The following SSR4 variants were observed in gnomAD, a reference collection of about 807,000 sequenced individuals.
SSR4 encodes translocon-associated protein subunit delta.
For missense variants in SSR4, 125 were observed against 148.8 expected (o/e 0.84, Z 0.83); for synonymous variants, 84 against 65.6 (o/e 1.28, Z -1.35).
intron 1 of SSR4, chrX:153,795,672 T>G: frequency 1.3e-6 from 1 of 754,761 alleles, no homozygotes; most frequent in Non-Finnish European, 1.6e-6. Flanking sequence ...GGGATCTGCC[T>G]CCTGTGGTCC....
chrX:153,794,355 C>A (rs1007821461), upstream of SSR4: 8 of 1,181,294 alleles, frequency 6.8e-6, no homozygotes, highest in African/African-American at 1.2e-4. Context: ...CCGCACGTCC[C>A]GACACGCAGA....
chrX:153,796,065 C>T lies in SSR4; in HGVS notation c.68-369C>T, dbSNP rs781792586. On this transcript the variant is annotated intron_variant, in intron 1 of 5. Transcript: ENST00000370086. ...TCTGCTGAGGATGCCTTCAGTAACT[C>T]GTCCAGGCCGTTTGTGGCTCTGAAT... is the stretch of plus-strand genomic sequence containing the variant. 5 of 184,718 alleles carry T rather than the reference C, an allele frequency of 2.7e-5. No individual in the cohort carries two copies. In the South Asian group the frequency reaches 5.7e-4, roughly 21 times the overall value. 15.2% of individuals were successfully genotyped at this position (184,718 alleles called of 1,213,427 possible). A position where few individuals can be genotyped will look rare whatever the true frequency, so the allele number is the denominator to read the frequency against.
At chrX:153,795,954 C>A in intron 1 of SSR4, 1 of 539,615 alleles carries the variant, frequency 1.9e-6, no homozygotes, top group Non-Finnish European at 2.3e-6. Flanking sequence ...TCTTCACCTT[C>A]TGTCAACTGG....
chrX:153,797,916 G>A lies in SSR4; in HGVS notation c.351+102G>A, dbSNP rs1462687011. 5 of 870,016 alleles carry A rather than the reference G, an allele frequency of 5.7e-6. No homozygotes were observed. The Admixed American group carries it at 7.5e-5, about 13-fold the overall frequency. 71.7% of individuals were successfully genotyped at this position (870,016 alleles called of 1,213,427 possible). A position where few individuals can be genotyped will look rare whatever the true frequency, so the allele number is the denominator to read the frequency against. On this transcript the variant is annotated intron_variant, in intron 4 of 5. Coordinates refer to ENST00000370086, the MANE Select transcript of SSR4 (RefSeq NM_006280.3). The stretch of plus-strand genomic sequence containing the variant: ...AAGTCCTGAGCTGGGTGGCCTTTCT[G>A]TGATCCTGTCCCTTCCTCAGTGTCT...
chrX:153,797,981 C>T (rs2092152292), intron 4 of SSR4, 90 bp from the exon 5 acceptor site: 13 of 971,698 alleles, frequency 1.3e-5, no homozygotes, highest in African/African-American at 9.6e-5. Context: ...GGGCTTGGGC[C>T]GGTGTTCCTA....
chrX:153,794,478 A>G (rs2092125886), upstream of SSR4: 4 of 1,148,485 alleles, frequency 3.5e-6, no homozygotes, highest in Non-Finnish European at 4.6e-6. Flanking sequence ...CGCCTAGAGC[A>G]CCGCTGCCGC....
intron 2 of SSR4, 35 bp from the exon 3 acceptor site, chrX:153,797,423 G>A (rs781890804): frequency 5.1e-6 from 6 of 1,172,575 alleles, no homozygotes; most frequent in Admixed American, 4.3e-5. Flanking sequence ...CCCAGAGGGG[G>A]CAGAAGGTGA....
upstream of SSR4, chrX:153,794,309 C>A: frequency 8.3e-7 from 1 of 1,198,125 alleles, no homozygotes; most frequent in South Asian, 1.8e-5. Context: ...CGGCGACGGT[C>A]GCTACCTTCA....
chrX:153,795,527 C>T (rs943468303), intron 1 of SSR4: 3 of 228,596 alleles, frequency 1.3e-5, no homozygotes, highest in Non-Finnish European at 1.9e-5. Flanking sequence ...TAGTCAGGGA[C>T]GTATCCAGAG....
At chrX:153,795,597 C>G in intron 1 of SSR4, 1 of 726,118 alleles carries the variant, frequency 1.4e-6, no homozygotes, top group Non-Finnish European at 1.6e-6. Context: ...GCAGGCCCAA[C>G]TTAGGCAGGA....
chrX:153,798,172 T>C (rs1557073248), intron 5 of SSR4, 36 bp downstream of exon 5: 1 of 1,192,584 alleles, frequency 8.4e-7, no homozygotes, highest in East Asian at 3.0e-5. Context: ...TTTGGGGTTG[T>C]TGGGCTGAGT....
At chrX:153,796,874 G>GT in intron 2 of SSR4, 1 of 255,542 alleles carries the variant, frequency 3.9e-6, no homozygotes, top group Non-Finnish European at 7.0e-6. Context: ...TTTTGTTTTT[G>GT]TTTTTGTTTT....
intron 2 of SSR4, 123 bp downstream of exon 2, chrX:153,796,675 A>G: frequency 1.8e-6 from 1 of 555,035 alleles, no homozygotes; most frequent in Non-Finnish European, 3.1e-6. Flanking sequence ...CGGAGAGATC[A>G]GGGCACGGTG....
intron 1 of SSR4, chrX:153,796,110 G>A (rs1417657716): frequency 8.6e-5 from 19 of 221,898 alleles, no homozygotes; most frequent in African/African-American, 8.6e-5. Flanking sequence ...CGTGGCCCCC[G>A]GGCCTCCGTG....
intron 1 of SSR4, 49 bp from the exon 2 acceptor site, chrX:153,796,385 G>C (rs782001325): frequency 1.0e-6 from 1 of 960,706 alleles, no homozygotes; most frequent in Admixed American, 2.2e-5. Flanking sequence ...CCCTCAGACC[G>C]GGATACTCGA....
chrX:153,797,686 T>A (rs1557072961), intron 3 of SSR4, 39 bp from the exon 4 acceptor site: 1 of 1,168,700 alleles, frequency 8.6e-7, no homozygotes, highest in Admixed American at 2.2e-5. Flanking sequence ...GGCCCCTCCG[T>A]GTCCACTCTG....
In SSR4 at chrX:153,797,787, C is replaced by T. The variant is rs1557073025; in HGVS notation, c.324C>T (p.Asp108=). The change falls in exon 4 of 6, where the codon GAC becomes GAT. Residue 108 remains aspartate, a synonymous_variant. Coordinates refer to ENST00000370086, the MANE Select transcript of SSR4 (RefSeq NM_006280.3). Reference sequence around the variant, plus strand: ...GCACCTATGAGGTTAGATTCTTCGACGAGGAGTCCTACAGCCTCCTCAGGA... The same window carrying T: ...GCACCTATGAGGTTAGATTCTTCGATGAGGAGTCCTACAGCCTCCTCAGGA... ...HAGTYEVRFF[D]EESYSLLRKA... is the part of the protein sequence containing the mutation. 5 of 1,207,726 alleles carry T rather than the reference C, an allele frequency of 4.1e-6. No individual in the cohort carries two copies. The highest frequency in any genetic ancestry group is 3.0e-5 in the East Asian group (1 of 33,760).
chrX:153,798,427 G>A lies in SSR4; in HGVS notation c.516G>A (p.Gln172=), dbSNP rs2092156251. 8.5e-7 allele frequency: 1 copy of A among 1,183,174 alleles called. No individual in the cohort carries two copies. Among genetic ancestry groups the A allele is most frequent in the Non-Finnish European group, 1.1e-6 (1 of 881,019 alleles). The change falls in exon 6 of 6, where the codon CAG becomes CAA. Residue 172 remains glutamine (Q), a synonymous_variant. Coordinates refer to ENST00000370086, the MANE Select transcript of SSR4 (RefSeq NM_006280.3). ...YLAFSAKSHI[Q]A is the part of the protein sequence containing the mutation. Reference sequence around the variant, plus strand: ...CCTTCAGTGCGAAGAGCCACATCCAGGCCTGAGGGCGGCACCCCAGCCCTG... The same window carrying A: ...CCTTCAGTGCGAAGAGCCACATCCAAGCCTGAGGGCGGCACCCCAGCCCTG...
chrX:153,796,677 G>A, intron 2 of SSR4, 125 bp downstream of exon 2: 1 of 551,235 alleles, frequency 1.8e-6, no homozygotes, highest in Non-Finnish European at 3.1e-6. Flanking sequence ...GAGAGATCAG[G>A]GCACGGTGAT....
Sources: gnomAD v4.1 joint callset for allele counts on GRCh38, gnomAD v4.1.1 for gene constraint, MANE v1.5 for transcripts, NCBI Gene and HGNC (gene_info 2026-07-23, HGNC 2026-07-21) for gene names.